The following SLC33A1 variants were observed in gnomAD, a reference collection of about 807,000 sequenced individuals.
SLC33A1 encodes acetyl-coenzyme A transporter 1.
A neutral mutation model predicts 50.0 loss-of-function variants in SLC33A1; 20 were observed. That is an observed-to-expected ratio of 0.40 (90% CI 0.28 to 0.58). The LOEUF (loss-of-function observed/expected upper bound fraction) is 0.58. Among genes scored for constraint, SLC33A1 ranks in the 20% least tolerant of loss-of-function variants. The pLI, the probability that SLC33A1 is intolerant of heterozygous loss-of-function variation, is 0.44. For synonymous variants in SLC33A1, 265 were observed against 251.8 expected (o/e 1.05, Z -0.50); for missense variants, 476 against 657.0 (o/e 0.72, Z 3.01).
rs1265195250 is a variant in SLC33A1 at position 155,853,532 on chromosome 3, T to A, written c.466A>T (p.Ile156Phe). The A allele has an allele frequency of 6.2e-7, 1 of 1,613,912 alleles. No homozygotes were observed. The highest frequency in any genetic ancestry group is 1.3e-5 in the African/African-American group (1 of 74,852). ...CGGTCCACCTGAGTGGATAAATAGA[T>A]CATGAAGAGTCCTAGTATATACTGT... ...PTQYILGLFM[I>F]YLSTQVDRLL... The change falls in exon 1 of 6, where the codon ATC becomes TTC. Residue 156 changes from isoleucine to phenylalanine, a missense_variant. Physicochemically the swap from Ile to Phe is conservative, Grantham distance 21 (BLOSUM62 0). Coordinates refer to ENST00000643144, the MANE Select transcript of SLC33A1 (RefSeq NM_004733.4).
intron 4 of SLC33A1, among the ~76,000 whole-genome samples, chr3:155,833,117 C>A (rs1752511032): frequency 6.6e-6 from 1 of 151,890 alleles, no homozygotes; most frequent in South Asian, 2.1e-4. Context: ...GGCGTGGTGG[C>A]ACGTGCCTGT....
chr3:155,831,457 C>CAAAAAAAAAAAAAAAAAAAA (rs397991448), intron 4 of SLC33A1, among the ~76,000 whole-genome samples: 3 of 46,712 alleles, frequency 6.4e-5, no homozygotes, highest in African/African-American at 1.7e-4. Flanking sequence ...GACTCTGTCT[C>CAAAAAAAAAAAAAAAAAAAA]AAAAAAAAAA....
chr3:155,852,486 C>A (rs1560024343), intron 1 of SLC33A1, among the ~76,000 whole-genome samples: 1 of 152,200 alleles, frequency 6.6e-6, no homozygotes, highest in South Asian at 2.1e-4. Flanking sequence ...TTTCTCAGCA[C>A]GATTTCCCAA....
chr3:155,853,086 T>C (rs1753466030), intron 1 of SLC33A1, 137 bp downstream of exon 1: 1 of 754,286 alleles, frequency 1.3e-6, no homozygotes, highest in South Asian at 1.7e-5. Context: ...AGAAGCTCAT[T>C]TGGACGAAAC....
At chr3:155,843,167 T>C (rs1577471234) in intron 1 of SLC33A1, among the ~76,000 whole-genome samples, 1 of 152,128 alleles carries the variant, frequency 6.6e-6, no homozygotes, top group East Asian at 1.9e-4. Context: ...AGACATTACA[T>C]TTAGTGTACA....
Position 155,854,254 on chromosome 3 carries a change from C to A in SLC33A1, c.-257G>T. On this transcript the variant is annotated 5_prime_UTR_variant, in exon 1 of 6. Coordinates refer to ENST00000643144, the MANE Select transcript of SLC33A1 (RefSeq NM_004733.4). Reference sequence around the variant, plus strand: ...GGCGTCAAAGAGCCTGAAGGAGACCCCCGGGCAGCAGCGCCGGGCTCGAGG... The same window carrying A: ...GGCGTCAAAGAGCCTGAAGGAGACCACCGGGCAGCAGCGCCGGGCTCGAGG... The A allele has an allele frequency of 2.8e-6, 1 of 359,336 alleles. No individual in the cohort carries two copies. The highest frequency in any genetic ancestry group is 1.0e-4 in the South Asian group (1 of 9,956). The allele number at this position is 359,336 out of a possible 1,614,324, so 22.3% of individuals were successfully genotyped here. A position where few individuals can be genotyped will look rare whatever the true frequency, so the allele number is the denominator to read the frequency against.
intron 4 of SLC33A1, among the ~76,000 whole-genome samples, chr3:155,831,491 A>AAAAAAAAAC (rs1752434245): frequency 7.0e-6 from 1 of 143,552 alleles, no homozygotes; most frequent in African/African-American, 2.7e-5. Flanking sequence ...AAAAAAAAAA[A>AAAAAAAAAC]TTTGTTGAAG....
chr3:155,844,447 A>ATTTTTTTTTTTTTTTTT (rs1753062149), intron 1 of SLC33A1, among the ~76,000 whole-genome samples: 1 of 29,178 alleles, frequency 3.4e-5, no homozygotes, highest in Non-Finnish European at 5.6e-5. Flanking sequence ...ATATATATAT[A>ATTTTTTTTTTTTTTTTT]TATATATATA....
Position 155,821,625 on chromosome 3 carries a change from C to G in SLC33A1, c.*6585G>C, listed in dbSNP as rs888262945. 6.6e-6 allele frequency: 1 copy of G among 152,068 alleles called. No individual in the cohort carries two copies. Among genetic ancestry groups the G allele is most frequent in the Non-Finnish European group, 1.5e-5 (1 of 68,154 alleles). 9.4% of individuals were successfully genotyped at this position (152,068 alleles called of 1,614,324 possible). Reference sequence around the variant, plus strand: ...GGGATTACAGACCTGGGCCACCACACCCGGCTAATTTTGTATTTTTAGTAG... The same window carrying G: ...GGGATTACAGACCTGGGCCACCACAGCCGGCTAATTTTGTATTTTTAGTAG... On this transcript the variant is annotated 3_prime_UTR_variant, in exon 6 of 6. Transcript: ENST00000643144.
In SLC33A1 at chr3:155,833,968, G is replaced by C. The variant is rs771681797; in HGVS notation, c.1037C>G (p.Ala346Gly). 1 of 1,613,700 alleles carries C rather than the reference G, an allele frequency of 6.2e-7. No individual in the cohort carries two copies. Among genetic ancestry groups the C allele is most frequent in the South Asian group, 1.1e-5 (1 of 91,072 alleles). Residue 346 changes from alanine to glycine, a missense_variant, in exon 3 of 6, where the codon GCC becomes GGC. Transcript: ENST00000643144. ...AGGAACCATTGGAACTGCCAATAAG[G>C]CTAAATGTTCTTTGGGTACTCCCTC... is the stretch of plus-strand genomic sequence containing the variant. ...VEEGVPKEHL[A>G]LLAVPMVPLQ...
intron 2 of SLC33A1, among the ~76,000 whole-genome samples, chr3:155,837,490 A>T (rs1490421657): frequency 6.6e-6 from 1 of 152,208 alleles, no homozygotes; most frequent in Non-Finnish European, 1.5e-5. Context: ...GGCAGTACAA[A>T]ATACTATGCA....
At position 155,853,947 on chromosome 3, in the gene SLC33A1, C is replaced by T; in HGVS notation, c.51G>A (p.Gly17=). Residue 17 remains glycine (G), a synonymous_variant, in exon 1 of 6, where the codon GGG becomes GGA. Coordinates refer to ENST00000643144, the MANE Select transcript of SLC33A1 (RefSeq NM_004733.4). ...HKDSSRQRRP[G]NFSHSLDMKS... ...TCATATCCAGAGAGTGACTGAAATT[C>T]CCTGGCCGCCGTTGCCGGCTGCTGT... 2.6e-6 allele frequency: 4 copies of T among 1,537,060 alleles called. No homozygotes were observed. The highest frequency in any genetic ancestry group is 2.6e-6 in the Non-Finnish European group (3 of 1,146,902).
Position 155,825,160 on chromosome 3 carries a change from T to C in SLC33A1, c.*3050A>G, listed in dbSNP as rs1356725981. The C allele has an allele frequency of 6.6e-6, 1 of 152,082 alleles. No individual in the cohort carries two copies. The highest frequency in any genetic ancestry group is 2.4e-5 in the African/African-American group (1 of 41,400). The allele number at this position is 152,082 out of a possible 1,614,324, so 9.4% of individuals were successfully genotyped here. A position where few individuals can be genotyped will look rare whatever the true frequency, so the allele number is the denominator to read the frequency against. ...GAGGCTGAGGTGGAAAGATCCTTTT[T>C]TGTTGTTGAGACAGGGTCTCACTCT... On this transcript the variant is annotated 3_prime_UTR_variant, in exon 6 of 6. Transcript: ENST00000643144.
At chr3:155,852,983 G>A (rs913851859) in intron 1 of SLC33A1, 1 of 563,718 alleles carries the variant, frequency 1.8e-6, no homozygotes, top group Non-Finnish European at 3.1e-6. Flanking sequence ...CCCTGGACTC[G>A]GTTGTGTTAT....
At chr3:155,833,630 T>TAACAAC in intron 3 of SLC33A1, 45 bp from the exon 4 acceptor site, 1 of 1,182,318 alleles carries the variant, frequency 8.5e-7, no homozygotes, top group Middle Eastern at 1.9e-4. Flanking sequence ...TTAGCTTAAA[T>TAACAAC]AACAACAACA....
intron 2 of SLC33A1, among the ~76,000 whole-genome samples, chr3:155,839,765 T>C (rs778544023): frequency 4.6e-5 from 7 of 151,912 alleles, no homozygotes; most frequent in African/African-American, 9.7e-5. Flanking sequence ...CTGGCCGACA[T>C]AGTGAAACCC....
intron 1 of SLC33A1, among the ~76,000 whole-genome samples, chr3:155,849,630 A>G (rs7616853): frequency 0.42 from 63,778 of 151,320 alleles, 16,397 homozygotes; most frequent in African/African-American, 0.73. Flanking sequence ...AGTGACAGCC[A>G]GGCACAGTGG....
intron 1 of SLC33A1, among the ~76,000 whole-genome samples, chr3:155,848,040 AGAG>A (rs1305386242): frequency 6.6e-6 from 1 of 152,218 alleles, no homozygotes; most frequent in African/African-American, 2.4e-5. Context: ...TACTGCTGCT[AGAG>A]GAGAGGGCCT....
chr3:155,833,367 G>C lies in SLC33A1; in HGVS notation c.1266+101C>G, dbSNP rs867672138. On this transcript the variant is annotated intron_variant, in intron 4 of 5. Transcript: ENST00000643144. The stretch of plus-strand genomic sequence containing the variant: ...ATAATTTCTTCAGTGTCAGATTCAT[G>C]CTTAAAATTTATTATCATTATTTTA... 6.4e-6 allele frequency: 5 copies of C among 779,436 alleles called. No individual in the cohort carries two copies. The African/African-American group carries it at 8.6e-5, about 13-fold the overall frequency. The allele number at this position is 779,436 out of a possible 1,614,324, so 48.3% of individuals were successfully genotyped here.
Sources: allele counts gnomAD v4.1 joint callset (sites outside exome capture counted in the v4.1 genomes callset), GRCh38; gene constraint gnomAD v4.1.1; transcripts MANE v1.5; gene names NCBI Gene and HGNC (gene_info 2026-07-23, HGNC 2026-07-21).